SCAPER: variants seen among roughly 807,000 people sequenced by gnomAD.
SCAPER encodes the protein S-phase cyclin A associated protein in the ER, also known as S phase cyclin A-associated protein in the endoplasmic reticulum.
A neutral mutation model predicts 182.2 loss-of-function variants in SCAPER; 98 were observed. The ratio of observed to expected loss-of-function variants is 0.54; its 90% confidence interval spans 0.46 to 0.64. The LOEUF (loss-of-function observed/expected upper bound fraction) is 0.64. SCAPER is among the 30% of genes least tolerant of loss of function. The pLI is 0.00. For synonymous variants in SCAPER, 605 were observed against 564.6 expected (o/e 1.07, Z -1.01); for missense variants, 1,432 against 1,690.0 (o/e 0.85, Z 2.68).
At position 76,376,216 on chromosome 15, in the gene SCAPER, AAGGAGGCTTTCAC is replaced by A; in HGVS notation, c.3788_3800del (p.Cys1263PhefsTer20). 1 of 1,613,996 alleles carries A rather than the reference AAGGAGGCTTTCAC, an allele frequency of 6.2e-7. No individual in the cohort carries two copies. Among genetic ancestry groups the A allele is most frequent in the East Asian group, 2.2e-5 (1 of 44,894 alleles). ...AGCCCACACAGACGATGACCTCATGAAGGAGGCTTTCACAGGAGACTTGGCTGCAGTGGCCCAG... is the reference window on the plus strand; with the variant it reads ...AGCCCACACAGACGATGACCTCATGAAGGAGACTTGGCTGCAGTGGCCCAG... On this transcript the variant is annotated frameshift_variant, in exon 29 of 32. Transcript: ENST00000563290. LOFTEE classifies it high-confidence loss of function.
At chr15:76,623,189 T>C (rs895259478) in intron 21 of SCAPER, among the ~76,000 whole-genome samples, 1 of 152,214 alleles carries the variant, frequency 6.6e-6, no homozygotes, top group Non-Finnish European at 1.5e-5. Context: ...CTTTCTCCCA[T>C]TCTGTAGGTT....
At chr15:76,478,886 T>C (rs947714093) in intron 24 of SCAPER, among the ~76,000 whole-genome samples, 2 of 152,164 alleles carry the variant, frequency 1.3e-5, no homozygotes, top group Non-Finnish European at 2.9e-5. Context: ...TCTATTCTAT[T>C]TTCCCTTTGG....
chr15:76,705,771 G>A, intron 18 of SCAPER, 132 bp downstream of exon 18: 2 of 614,176 alleles, frequency 3.3e-6, no homozygotes, highest in South Asian at 5.3e-5. Flanking sequence ...AATGATTGTA[G>A]CAAAATCATA....
At chr15:76,831,207 A>C (rs2068444116) in intron 5 of SCAPER, among the ~76,000 whole-genome samples, 3 of 152,120 alleles carry the variant, frequency 2.0e-5, no homozygotes, top group Non-Finnish European at 4.4e-5. Flanking sequence ...GGCCTTTCTT[A>C]GCTGCCAGAC....
intron 22 of SCAPER, among the ~76,000 whole-genome samples, chr15:76,620,653 T>C (rs1362986740): frequency 6.6e-6 from 1 of 152,158 alleles, no homozygotes; most frequent in African/African-American, 2.4e-5. Flanking sequence ...CAACAAGTGG[T>C]TATGGATATT....
chr15:76,663,437 A>C (rs2056344895), intron 21 of SCAPER, among the ~76,000 whole-genome samples: 1 of 152,184 alleles, frequency 6.6e-6, no homozygotes. Context: ...AAGACTTTAA[A>C]GGAGCTTTAT....
At chr15:76,659,530 A>G (rs1049527524) in intron 21 of SCAPER, among the ~76,000 whole-genome samples, 23 of 152,214 alleles carry the variant, frequency 1.5e-4, no homozygotes, top group Non-Finnish European at 7.3e-5. Context: ...ACAGCCTCCC[A>G]AAGTGTTGGG....
At chr15:76,378,719 TAA>T (rs2042739172) in intron 28 of SCAPER, among the ~76,000 whole-genome samples, 2 of 152,204 alleles carry the variant, frequency 1.3e-5, no homozygotes, top group Non-Finnish European at 2.9e-5. Flanking sequence ...GGCTAAGTCA[TAA>T]AAAGTCCTGT....
chr15:76,637,759 T>TAC (rs1567667196), intron 21 of SCAPER, among the ~76,000 whole-genome samples: 1 of 123,400 alleles, frequency 8.1e-6, no homozygotes, highest in Non-Finnish European at 1.6e-5. Context: ...TGTGTGTGTG[T>TAC]GTGTGTGTGT....
In SCAPER at chr15:76,574,271, C is replaced by G. The variant is rs766038668; in HGVS notation, c.2725G>C (p.Ala909Pro). The G allele has an allele frequency of 6.2e-7, 1 of 1,611,190 alleles. No individual in the cohort carries two copies. Among genetic ancestry groups the G allele is most frequent in the South Asian group, 1.1e-5 (1 of 90,730 alleles). The change falls in exon 23 of 32, where the codon GCC (alanine) becomes CCC (proline). Residue 909 changes from alanine (A) to proline (P), a missense_variant. Ala to Pro is a conservative substitution (Grantham distance 27). Coordinates refer to ENST00000563290, the MANE Select transcript of SCAPER (RefSeq NM_020843.4). ...TGTACTTGTTTTAGAAGATCTTTGG[C>G]TAATCGCTGAAGCCTTTAATACCAA... is the stretch of plus-strand genomic sequence containing the variant. ...SPYKAKLQRL[A>P]KDLLKQVQVQ...
At chr15:76,469,938 AT>A (rs11341310) in intron 25 of SCAPER, among the ~76,000 whole-genome samples, 147,618 of 151,948 alleles carry the variant, frequency 0.97, 71,840 homozygotes, top group South Asian at 1. Context: ...TTAATGCCTT[AT>A]TTTTTTAGAC....
At chr15:76,886,199 A>C (rs4243043) in intron 1 of SCAPER, among the ~76,000 whole-genome samples, 1 of 152,128 alleles carries the variant, frequency 6.6e-6, no homozygotes. Flanking sequence ...AAAACTCACA[A>C]CCGGGCACAG....
chr15:76,480,567 T>C (rs2051029741), intron 24 of SCAPER, among the ~76,000 whole-genome samples: 1 of 152,226 alleles, frequency 6.6e-6, no homozygotes, highest in East Asian at 1.9e-4. Context: ...CTAGGCAAGA[T>C]CCTTGTCTCA....
At chr15:76,674,087 A>T (rs951624792) in intron 20 of SCAPER, among the ~76,000 whole-genome samples, 1 of 152,178 alleles carries the variant, frequency 6.6e-6, no homozygotes, top group Non-Finnish European at 1.5e-5. Flanking sequence ...ACACATATTT[A>T]CAAACTGTAC....
intron 14 of SCAPER, 120 bp downstream of exon 14, chr15:76,764,840 TA>T (rs2063017281): frequency 1.6e-6 from 1 of 610,226 alleles, no homozygotes; most frequent in Non-Finnish European, 2.8e-6. Flanking sequence ...AAAATGCTTT[TA>T]TTTCCTAGCA....
At chr15:76,367,016 C>T (rs1334093206) in intron 29 of SCAPER, among the ~76,000 whole-genome samples, 1 of 152,240 alleles carries the variant, frequency 6.6e-6, no homozygotes, top group Non-Finnish European at 1.5e-5. Context: ...ACGCTTCTCA[C>T]AGGTTCTCCA....
intron 22 of SCAPER, among the ~76,000 whole-genome samples, chr15:76,619,817 C>A (rs960103168): frequency 2.0e-5 from 3 of 152,142 alleles, no homozygotes; most frequent in African/African-American, 7.2e-5. Flanking sequence ...ATGGCTCATG[C>A]CTGTAATCCT....
intron 15 of SCAPER, among the ~76,000 whole-genome samples, chr15:76,752,047 AAACTC>A (rs1250064978): frequency 2.6e-5 from 4 of 151,710 alleles, no homozygotes; most frequent in Non-Finnish European, 4.4e-5. Flanking sequence ...TAAAAAAAAA[AAACTC>A]AATTCAAGAA....
intron 29 of SCAPER, among the ~76,000 whole-genome samples, chr15:76,364,556 CT>C (rs2041679112): frequency 6.6e-6 from 1 of 152,156 alleles, no homozygotes; most frequent in Non-Finnish European, 1.5e-5. Context: ...GAGATGGCCC[CT>C]GACCAGCTGC....
Sources: allele counts gnomAD v4.1 joint callset (sites outside exome capture counted in the v4.1 genomes callset), GRCh38; gene constraint gnomAD v4.1.1; transcripts MANE v1.5; gene names NCBI Gene and HGNC (gene_info 2026-07-23, HGNC 2026-07-21).